The following PDE4DIP variants were observed in gnomAD, a reference collection of about 807,000 sequenced individuals.
PDE4DIP encodes the protein phosphodiesterase 4D interacting protein, also known as myomegalin.
Under a neutral mutation model 221.4 loss-of-function variants are expected in PDE4DIP, and 59 were observed. The observed-to-expected ratio is 0.27, with a 90% CI of 0.22 to 0.33. PDE4DIP has a LOEUF of 0.33. Ranked by LOEUF, PDE4DIP falls within the 10% of genes least tolerant of loss-of-function variation. The probability of loss-of-function intolerance (pLI) is 1.00; values close to 1 mark genes in which losing one functional copy is unlikely to be tolerated. For synonymous variants in PDE4DIP, 404 were observed against 815.9 expected (o/e 0.50, Z 8.60); for missense variants, 1,036 against 2,154.2 (o/e 0.48, Z 10.28).
intron 4 of PDE4DIP, among the ~76,000 whole-genome samples, chr1:148,932,955 A>T (rs1476323787): frequency 2.0e-5 from 3 of 152,144 alleles, no homozygotes; most frequent in Non-Finnish European, 4.4e-5. Context: ...CCATGTGAGG[A>T]TATAGTGGGA....
intron 21 of PDE4DIP, chr1:148,985,019 G>GTTAGGAAGAAA (rs1553547908): frequency 6.6e-6 from 1 of 152,120 alleles, no homozygotes; most frequent in Non-Finnish European, 1.5e-5. Flanking sequence ...TTCCTGTGAA[G>GTTAGGAAGAAA]TTAGGAAGAA....
exon 28 of PDE4DIP, chr1:149,007,320 C>G (rs782495437): frequency 6.5e-7 from 1 of 1,539,468 alleles, no homozygotes; most frequent in Non-Finnish European, 9.0e-7. Flanking sequence ...ACAGTAAAAT[C>G]TTTTGAGGAT....
At chr1:149,012,953 G>C (rs1553607024) in intron 32 of PDE4DIP, among the ~76,000 whole-genome samples, 177 bp downstream of exon 35, 1 of 151,506 alleles carries the variant, frequency 6.6e-6, no homozygotes, top group Non-Finnish European at 1.5e-5. Context: ...TTATTTCTGT[G>C]GTGTGTATGT....
intron 2 of PDE4DIP, among the ~76,000 whole-genome samples, chr1:148,865,128 A>G (rs1296518194): frequency 7.1e-6 from 1 of 140,692 alleles, no homozygotes; most frequent in East Asian, 2.0e-4. Context: ...TTGCTCTGTC[A>G]CCCAGGCTGG....
At chr1:148,946,395 C>T (rs1387683313) in intron 5 of PDE4DIP, among the ~76,000 whole-genome samples, 1 of 133,630 alleles carries the variant, frequency 7.5e-6, no homozygotes, top group Non-Finnish European at 1.6e-5. Flanking sequence ...ACAAAATTAG[C>T]TGGGTGTGGT....
chr1:148,952,082 C>T (rs1342476692), intron 5 of PDE4DIP: 2 of 1,016,136 alleles, frequency 2.0e-6, no homozygotes, highest in Non-Finnish European at 2.4e-6. Context: ...TCGTCTTTCT[C>T]CTCCCCGCGA....
At chr1:148,816,712 GAA>G (rs1667873242) in intron 1 of PDE4DIP, among the ~76,000 whole-genome samples, 1 of 71,266 alleles carries the variant, frequency 1.4e-5, no homozygotes, top group African/African-American at 4.4e-5. Flanking sequence ...TTTTGTATGT[GAA>G]AAAGTCTTTA....
At chr1:148,927,863 C>A (rs1410345202) in intron 1 of PDE4DIP, among the ~76,000 whole-genome samples, 1 of 152,036 alleles carries the variant, frequency 6.6e-6, no homozygotes, top group East Asian at 1.9e-4. Flanking sequence ...CAAACCTGCC[C>A]CTATTTTAGT....
chr1:148,970,150 C>A (rs1331976995), intron 14 of PDE4DIP, among the ~76,000 whole-genome samples: 11 of 149,262 alleles, frequency 7.4e-5, no homozygotes, highest in Non-Finnish European at 1.5e-4. Context: ...TCTTTTTTGC[C>A]TATGTTATTT....
At chr1:148,946,488 C>T (rs762608376) in intron 5 of PDE4DIP, among the ~76,000 whole-genome samples, 3 of 139,022 alleles carry the variant, frequency 2.2e-5, no homozygotes, top group Non-Finnish European at 4.6e-5. Flanking sequence ...TGCAGTGAGT[C>T]GAGATTGTGC....
chr1:148,952,036 A>G (rs1272530906), intron 5 of PDE4DIP: 7 of 1,008,110 alleles, frequency 6.9e-6, no homozygotes, highest in Non-Finnish European at 8.3e-6. Context: ...TGGCAGCCGG[A>G]GGACGTGGCA....
chr1:148,949,856 G>C (rs1278780864), intron 5 of PDE4DIP, among the ~76,000 whole-genome samples: 1 of 150,914 alleles, frequency 6.6e-6, no homozygotes, highest in Non-Finnish European at 1.5e-5. Flanking sequence ...TGCCATCTTC[G>C]AATATTCTGA....
intron 1 of PDE4DIP, among the ~76,000 whole-genome samples, chr1:148,822,438 G>A (rs2149829561): frequency 6.9e-6 from 1 of 144,112 alleles, no homozygotes; most frequent in South Asian, 2.2e-4. Flanking sequence ...ATAGGAACGG[G>A]AACCCTATTG....
At chr1:149,016,919 G>C (rs1290590613) in intron 33 of PDE4DIP, among the ~76,000 whole-genome samples, 2 of 152,288 alleles carry the variant, frequency 1.3e-5, no homozygotes, top group Non-Finnish European at 2.9e-5. Context: ...AAGGGTGTAA[G>C]GGTGCAGCTC....
intron 1 of PDE4DIP, among the ~76,000 whole-genome samples, chr1:148,861,674 C>T (rs1179362787): frequency 3.6e-5 from 4 of 112,350 alleles, no homozygotes; most frequent in Non-Finnish European, 7.2e-5. Flanking sequence ...GAGAGAAGTC[C>T]TCTACATCTC....
intron 35 of PDE4DIP, chr1:149,019,541 A>G (rs1443702929): frequency 6.6e-6 from 1 of 152,118 alleles, no homozygotes; most frequent in African/African-American, 2.4e-5. Context: ...AACAAAAGTT[A>G]ACAGATAAGA....
In PDE4DIP at chr1:149,017,966, C is replaced by G. The variant is rs587638767; in HGVS notation, c.5650+87C>G. On this transcript the variant is annotated intron_variant, in intron 34 of 43. Coordinates refer to ENST00000369354, the Ensembl canonical transcript of PDE4DIP. ...ACAGATATTCTTTACTTCACTCGCT[C>G]CTTATGAACAGTCCAGCAAGGGAGG... The G allele has an allele frequency of 8.2e-6, 11 of 1,347,850 alleles. No homozygotes were observed. The Admixed American group carries it at 9.1e-5, about 11-fold the overall frequency. 83.5% of individuals were successfully genotyped at this position (1,347,850 alleles called of 1,614,324 possible).
chr1:148,971,069 G>A (rs1171158691), intron 14 of PDE4DIP, among the ~76,000 whole-genome samples: 6 of 151,938 alleles, frequency 3.9e-5, no homozygotes, highest in African/African-American at 1.5e-4. Context: ...GACTTCCTGT[G>A]CATTAATAGT....
intron 4 of PDE4DIP, among the ~76,000 whole-genome samples, chr1:148,933,729 A>C (rs1439593613): frequency 6.6e-6 from 1 of 152,206 alleles, no homozygotes; most frequent in African/African-American, 2.4e-5. Flanking sequence ...AGAGCCATTT[A>C]AGAAGCTTTG....
Sources: gnomAD v4.1 joint callset for allele counts (sites outside exome capture counted in the v4.1 genomes callset) on GRCh38, gnomAD v4.1.1 for gene constraint, MANE v1.5 for transcripts, NCBI Gene and HGNC (gene_info 2026-07-23, HGNC 2026-07-21) for gene names.